MDGA2: variants seen among roughly 807,000 people sequenced by gnomAD.
MDGA2 encodes the protein MAM domain-containing glycosylphosphatidylinositol anchor protein 2.
Under a neutral mutation model 117.8 loss-of-function variants are expected in MDGA2, and 40 were observed. The ratio of observed to expected loss-of-function variants is 0.34; its 90% CI spans 0.26 to 0.44. The LOEUF (loss-of-function observed/expected upper bound fraction) is 0.44, where lower values mean the gene tolerates loss of function less well. Ranked by LOEUF, MDGA2 falls within the 20% of genes least tolerant of loss-of-function variation. The pLI, the probability that MDGA2 is intolerant of heterozygous loss-of-function variation, is 1.00. For missense variants in MDGA2, 1,123 were observed against 1,250.6 expected, an observed-to-expected ratio of 0.90 and a Z score of 1.54; for synonymous variants, 452 against 439.0, an observed-to-expected ratio of 1.03 and a Z score of -0.37.
intron 1 of MDGA2, among the ~76,000 whole-genome samples, chr14:47,474,694 T>C (rs1312712190): frequency 2.6e-5 from 4 of 152,032 alleles, no homozygotes; most frequent in African/African-American, 9.7e-5. Flanking sequence ...TACCTACAAC[T>C]ATCTGATCTC....
intron 2 of MDGA2, among the ~76,000 whole-genome samples, chr14:47,270,935 C>T (rs1888124499): frequency 6.6e-6 from 1 of 152,166 alleles, no homozygotes; most frequent in African/African-American, 2.4e-5. Flanking sequence ...AAAATCTATA[C>T]TTAGCAGGAT....
At chr14:47,256,348 C>T (rs544735372) in intron 2 of MDGA2, among the ~76,000 whole-genome samples, 18 of 152,146 alleles carry the variant, frequency 1.2e-4, no homozygotes, top group African/African-American at 3.9e-4. Flanking sequence ...AATGTCTTTC[C>T]GTCACTTTCC....
chr14:47,235,882 T>C (rs909300352), intron 2 of MDGA2, among the ~76,000 whole-genome samples: 2 of 152,142 alleles, frequency 1.3e-5, no homozygotes, highest in South Asian at 4.1e-4. Flanking sequence ...CTGACCCCAG[T>C]GGCTGCTCAG....
intron 1 of MDGA2, among the ~76,000 whole-genome samples, chr14:47,390,938 T>A (rs1210042015): frequency 6.6e-6 from 1 of 152,172 alleles, no homozygotes; most frequent in Non-Finnish European, 1.5e-5. Context: ...TGGTCTCTTT[T>A]CTATTTTTCC....
intron 3 of MDGA2, among the ~76,000 whole-genome samples, chr14:47,188,283 G>T (rs1423901089): frequency 6.6e-6 from 1 of 152,100 alleles, no homozygotes; most frequent in Non-Finnish European, 1.5e-5. Context: ...ACCTCAAAAC[G>T]TATGTTACAA....
At chr14:47,474,551 A>C (rs1458835395) in intron 1 of MDGA2, among the ~76,000 whole-genome samples, 1 of 152,142 alleles carries the variant, frequency 6.6e-6, no homozygotes, top group Non-Finnish European at 1.5e-5. Flanking sequence ...AAAAAGAACA[A>C]AGCTGGAGGC....
At chr14:46,915,137 T>G (rs1883852127) in intron 10 of MDGA2, among the ~76,000 whole-genome samples, 1 of 152,146 alleles carries the variant, frequency 6.6e-6, no homozygotes, top group Admixed American at 6.6e-5. Context: ...AAAGGCTACA[T>G]GCATGTAATA....
chr14:47,316,514 C>T (rs892128159), intron 1 of MDGA2, among the ~76,000 whole-genome samples: 2 of 151,902 alleles, frequency 1.3e-5, no homozygotes, highest in Non-Finnish European at 2.9e-5. Context: ...CAAAAATAAA[C>T]ATGGAAAATA....
rs114425413 is a variant in MDGA2, at chr14:47,160,514, A to G, written c.596-16240T>C. Among the ~76,000 whole-genome samples, 617 of 152,248 alleles carry G rather than the reference A, an allele frequency of 4.1e-3. 3 individuals are homozygous for G. Among genetic ancestry groups the G allele is most frequent in the African/African-American group, 0.014 (580 of 41,552 alleles). On this transcript the variant is annotated intron_variant, in intron 3 of 16. Transcript: ENST00000399232. ...AACCCTGCCTCTACAAAAACTAAAA[A>G]TTAGCTGGGCATGGTGCATCCTGTA...
At chr14:47,037,841 TTACTTGAAATA>T (rs1566586546) in intron 7 of MDGA2, among the ~76,000 whole-genome samples, 1 of 152,212 alleles carries the variant, frequency 6.6e-6, no homozygotes, top group African/African-American at 2.4e-5. Flanking sequence ...TGGAGGGTTA[TTACTTGAAATA>T]TACAATCCAT....
intron 10 of MDGA2, among the ~76,000 whole-genome samples, chr14:46,901,543 T>G (rs1883286815): frequency 6.6e-6 from 1 of 152,180 alleles, no homozygotes; most frequent in Non-Finnish European, 1.5e-5. Context: ...TGCATTTTAT[T>G]CATTTATTCA....
At chr14:46,896,673 A>G (rs1468436922) in intron 10 of MDGA2, among the ~76,000 whole-genome samples, 5 of 152,088 alleles carry the variant, frequency 3.3e-5, no homozygotes, top group Non-Finnish European at 5.9e-5. Context: ...CAAGCTCTCT[A>G]TACGTTTTCT....
chr14:47,360,354 A>AAAATAAATAAATAAATAAATAAAT (rs60754618), intron 1 of MDGA2, among the ~76,000 whole-genome samples: 1 of 139,972 alleles, frequency 7.1e-6, no homozygotes, highest in Non-Finnish European at 1.5e-5. Context: ...TCCATCTCAA[A>AAAATAAATAAATAAATAAATAAAT]AAATAAATAA....
intron 8 of MDGA2, among the ~76,000 whole-genome samples, chr14:47,023,198 TA>T (rs71985853): frequency 0.34 from 35,203 of 102,708 alleles, 4,535 homozygotes; most frequent in Admixed American, 0.45. Flanking sequence ...TTCCCACTCG[TA>T]AAAAAAAAAA....
At chr14:47,368,069 C>T (rs987379171) in intron 1 of MDGA2, among the ~76,000 whole-genome samples, 2 of 151,996 alleles carry the variant, frequency 1.3e-5, no homozygotes, top group Non-Finnish European at 2.9e-5. Flanking sequence ...CTCCTGAGGT[C>T]AGGAGTTCGA....
chr14:46,906,264 T>G (rs1883487182), intron 10 of MDGA2, among the ~76,000 whole-genome samples: 1 of 151,636 alleles, frequency 6.6e-6, no homozygotes, highest in African/African-American at 2.4e-5. Flanking sequence ...TTACTTTTCT[T>G]AAAATGAGAT....
chr14:47,636,230 T>C (rs1425861164), intron 1 of MDGA2, among the ~76,000 whole-genome samples: 1 of 152,196 alleles, frequency 6.6e-6, no homozygotes, highest in African/African-American at 2.4e-5. Context: ...CTTCATAAGG[T>C]ATAACTTGAA....
intron 1 of MDGA2, among the ~76,000 whole-genome samples, chr14:47,442,437 C>T (rs1893032128): frequency 6.6e-6 from 1 of 152,054 alleles, no homozygotes; most frequent in African/African-American, 2.4e-5. Flanking sequence ...CAGGGATGCA[C>T]ATGACCTGGT....
chr14:47,094,825 G>T (rs1879869391), intron 6 of MDGA2, among the ~76,000 whole-genome samples: 3 of 151,742 alleles, frequency 2.0e-5, no homozygotes, highest in Non-Finnish European at 4.4e-5. Context: ...AACAAACACC[G>T]ATTACAATAC....
Sources: allele counts gnomAD v4.1 joint callset (sites outside exome capture counted in the v4.1 genomes callset), GRCh38; gene constraint gnomAD v4.1.1; transcripts MANE v1.5; gene names NCBI Gene and HGNC (gene_info 2026-07-23, HGNC 2026-07-21).